Variants in LIPE observed in about 807,000 individuals in gnomAD.
LIPE encodes the protein lipase E, hormone sensitive type.
Under a neutral mutation model 88.5 loss-of-function variants are expected in LIPE, and 66 were observed. The ratio of observed to expected loss-of-function variants is 0.75; its 90% CI spans 0.61 to 0.91. LIPE has a LOEUF of 0.91. Among genes scored for constraint, LIPE ranks in the 40% least tolerant of loss-of-function variants. The pLI is 0.00. For missense variants in LIPE, 1,346 were observed against 1,434.7 expected, an observed-to-expected ratio of 0.94 and a Z score of 1.00; for synonymous variants, 570 against 617.5, an observed-to-expected ratio of 0.92 and a Z score of 1.14.
intron 1 of LIPE, chr19:42,423,382 G>T: frequency 7.8e-7 from 1 of 1,281,288 alleles, no homozygotes; most frequent in Non-Finnish European, 1.0e-6. Context: ...GATGTACGAG[G>T]TTCCTTCCGG....
Position 42,406,515 on chromosome 19 carries a change from A to G in LIPE, c.2138-127T>C. The G allele has an allele frequency of 1.4e-6, 1 of 708,702 alleles. No homozygotes were observed. The highest frequency in any genetic ancestry group is 2.4e-6 in the Non-Finnish European group (1 of 411,796). 43.9% of individuals were successfully genotyped at this position (708,702 alleles called of 1,614,324 possible). A position where few individuals can be genotyped will look rare whatever the true frequency, so the allele number is the denominator to read the frequency against. ...TGGGGTGTGGGGCACTCCAAGGCCT[A>G]GCAGACTGCAGTTTTAGAGACTGGC... On this transcript the variant is annotated intron_variant, in intron 6 of 9. Coordinates refer to ENST00000244289, the MANE Select transcript of LIPE (RefSeq NM_005357.4). This position sits in a 1 kb window ranked among gnomAD's most constrained non-coding sequence, Gnocchi z 5.7.
intron 1 of LIPE, chr19:42,411,418 G>C (rs557532479): frequency 2.6e-6 from 2 of 757,894 alleles, no homozygotes; most frequent in Admixed American, 6.3e-5. Context: ...CCCATTCTCA[G>C]GACCCAGGAG....
At chr19:42,423,492 G>A in intron 1 of LIPE, 1 of 1,281,636 alleles carries the variant, frequency 7.8e-7, no homozygotes, top group Non-Finnish European at 1.0e-6. Flanking sequence ...TCGAGGCCGG[G>A]GCCATAGCGG....
At position 42,410,728 on chromosome 19, in the gene LIPE, C is replaced by G; in HGVS notation, c.998G>C (p.Arg333Pro). 6.2e-7 allele frequency: 1 copy of G among 1,613,916 alleles called. No homozygotes were observed. Among genetic ancestry groups the G allele is most frequent in the Non-Finnish European group, 8.5e-7 (1 of 1,179,852 alleles). Residue 333 changes from arginine (R) to proline (P), a missense_variant, in exon 2 of 10, where the codon CGG (arginine) becomes CCG (proline). Arg to Pro is a moderately radical substitution (Grantham distance 103). Coordinates refer to ENST00000244289, the MANE Select transcript of LIPE (RefSeq NM_005357.4). The surrounding 1 kb of genome is among the most constrained non-coding windows in gnomAD (Gnocchi z 6.1). ...SSQGPGETAQ[R>P]LSGVFAGVRE... is the part of the protein sequence containing the mutation. Reference sequence around the variant, plus strand: ...TACACCGGCAAAAACGCCTGACAGCCGCTGGGCCGTTTCCCCAGGACCCTG... The same window carrying G: ...TACACCGGCAAAAACGCCTGACAGCGGCTGGGCCGTTTCCCCAGGACCCTG...
At position 42,410,242 on chromosome 19, in the gene LIPE, G is replaced by T; in HGVS notation, c.1419+65C>A. 2.1e-6 allele frequency: 3 copies of T among 1,454,536 alleles called. No homozygotes were observed. The highest frequency in any genetic ancestry group is 2.2e-5 in the Admixed American group (1 of 45,138). 90.1% of individuals were successfully genotyped at this position (1,454,536 alleles called of 1,614,324 possible). A position where few individuals can be genotyped will look rare whatever the true frequency, so the allele number is the denominator to read the frequency against. ...CACTGGTTACTTTACCATACTATAG[G>T]CCAGGCCAGGGGCCACCAGGTGCCT... On this transcript the variant is annotated intron_variant, in intron 2 of 9. Transcript: ENST00000244289. This position sits in a 1 kb window ranked among gnomAD's most constrained non-coding sequence, Gnocchi z 6.1.
In LIPE at chr19:42,406,898, A is replaced by G. The variant is rs1392578174; in HGVS notation, c.2137+276T>C. ...CAGGAGGCTGGTAGGACAGGAGAGC[A>G]GGGCCTGGAGCTATCAGAGGGGGAC... is the stretch of plus-strand genomic sequence containing the variant. On this transcript the variant is annotated intron_variant, in intron 6 of 9. Transcript: ENST00000244289. This position sits in a 1 kb window ranked among gnomAD's most constrained non-coding sequence, Gnocchi z 5.7. Among the ~76,000 whole-genome samples the G allele has an allele frequency of 1.3e-5, 2 of 152,174 alleles. No homozygotes were observed. Among genetic ancestry groups the G allele is most frequent in the Non-Finnish European group, 2.9e-5 (2 of 68,024 alleles).
rs753366338 is a variant in LIPE, at chr19:42,408,201, A to G, written c.1510+31T>C. 1.2e-6 allele frequency: 2 copies of G among 1,613,738 alleles called. No homozygotes were observed. Among genetic ancestry groups the G allele is most frequent in the Non-Finnish European group, 1.7e-6 (2 of 1,179,704 alleles). On this transcript the variant is annotated intron_variant, in intron 3 of 9. Coordinates refer to ENST00000244289, the MANE Select transcript of LIPE (RefSeq NM_005357.4). The surrounding 1 kb of genome is among the most constrained non-coding windows in gnomAD (Gnocchi z 4.3). ...GAGTGGGGAGGAGGGCCAAGAGAGTAGGCTGCGAGTAGAACCTGGCTGGGA... is the reference window on the plus strand; with the variant it reads ...GAGTGGGGAGGAGGGCCAAGAGAGTGGGCTGCGAGTAGAACCTGGCTGGGA...
At chr19:42,409,909 G>A (rs1043154930) in intron 2 of LIPE, among the ~76,000 whole-genome samples, 2 of 152,122 alleles carry the variant, frequency 1.3e-5, no homozygotes, top group Admixed American at 1.3e-4. Context: ...AGGCTGAGGT[G>A]CGGGGAGGCC....
chr19:42,424,537 C>T (rs1314013250), intron 1 of LIPE: 1 of 456,350 alleles, frequency 2.2e-6, no homozygotes, highest in East Asian at 6.9e-5. Flanking sequence ...CTGCCTTTGC[C>T]TGCCGCCCCT....
At chr19:42,418,417 C>T (rs2040532312) in intron 1 of LIPE, among the ~76,000 whole-genome samples, 1 of 152,254 alleles carries the variant, frequency 6.6e-6, no homozygotes, top group African/African-American at 2.4e-5. Context: ...GCCACAGCCA[C>T]TTTCTACAAC....
chr19:42,408,012 T>C lies in LIPE; in HGVS notation c.1620A>G (p.Lys540=), dbSNP rs1317693041. Residue 540 remains lysine, a synonymous_variant, in exon 4 of 10, where the codon AAA becomes AAG. Transcript: ENST00000244289. This position sits in a 1 kb window ranked among gnomAD's most constrained non-coding sequence, Gnocchi z 4.3. The part of the protein sequence containing the change: ...ITQNLDVHFW[K]AFWNITEMEV... ...CCATCTCGGTGATGTTCCAGAAGGC[T>C]TTCCAGAAGTGCACGTCCAGGTTCT... 1.2e-6 allele frequency: 2 copies of C among 1,613,582 alleles called. No homozygotes were observed. The highest frequency in any genetic ancestry group is 3.3e-4 in the Middle Eastern group (2 of 6,062).
Position 42,407,857 on chromosome 19 carries a change from C to T in LIPE, c.1657-66G>A, listed in dbSNP as rs1256160861. On this transcript the variant is annotated intron_variant, in intron 4 of 9. Coordinates refer to ENST00000244289, the MANE Select transcript of LIPE (RefSeq NM_005357.4). The surrounding 1 kb of genome is among the most constrained non-coding windows in gnomAD (Gnocchi z 5.8). ...CTGCAGGGGTGCCCTTCACCTCTCC[C>T]TCTGATCCCCAGTCTTTCCCCTTGT... 6.4e-7 allele frequency: 1 copy of T among 1,551,576 alleles called. No homozygotes were observed. The highest frequency in any genetic ancestry group is 1.2e-5 in the South Asian group (1 of 82,062).
Position 42,401,555 on chromosome 19 carries a change from A to T in LIPE, c.*257T>A. On this transcript the variant is annotated 3_prime_UTR_variant, in exon 10 of 10. Transcript: ENST00000244289. ...TTTACAACAAACCAAACCGACCTGC[A>T]AGGGAGGGCCAGTCCCCGTCCCTGC... The T allele has an allele frequency of 2.1e-6, 1 of 478,366 alleles. No homozygotes were observed. Among genetic ancestry groups the T allele is most frequent in the Non-Finnish European group, 3.7e-6 (1 of 272,362 alleles). 29.6% of individuals were successfully genotyped at this position (478,366 alleles called of 1,614,324 possible). A position where few individuals can be genotyped will look rare whatever the true frequency, so the allele number is the denominator to read the frequency against.
chr19:42,410,496 G>A lies in LIPE; in HGVS notation c.1230C>T (p.Ala410=), dbSNP rs949783365. The A allele has an allele frequency of 1.2e-5, 20 of 1,613,820 alleles. No individual in the cohort carries two copies. Among genetic ancestry groups the A allele is most frequent in the Non-Finnish European group, 1.7e-5 (20 of 1,180,016 alleles). Reference sequence around the variant, plus strand: ...GGGCAGCCAGGTAGGCCTCCAGCTCGGCCAGGTTGTGGCTGGTGCGGAAGA... The same window carrying A: ...GGGCAGCCAGGTAGGCCTCCAGCTCAGCCAGGTTGTGGCTGGTGCGGAAGA... ...SIFFRTSHNL[A]ELEAYLAALT... Residue 410 remains alanine (A), a synonymous_variant, in exon 2 of 10, where the codon GCC becomes GCT. Transcript: ENST00000244289. The surrounding 1 kb of genome is among the most constrained non-coding windows in gnomAD (Gnocchi z 6.1).
At chr19:42,423,236 C>T (rs2040635443) in intron 1 of LIPE, 3 of 351,272 alleles carry the variant, frequency 8.5e-6, no homozygotes, top group Non-Finnish European at 1.6e-5. Context: ...CCAGGGTGGG[C>T]CTCTCGGCTG....
intron 9 of LIPE, 42 bp from the exon 10 acceptor site, chr19:42,402,117 C>A: frequency 7.0e-7 from 1 of 1,426,964 alleles, no homozygotes; most frequent in Non-Finnish European, 9.2e-7. Context: ...GGGTGGGGGA[C>A]AGACAGACCG....
Position 42,402,937 on chromosome 19 carries a change from C to G in LIPE, c.2637G>C (p.Leu879Phe), listed in dbSNP as rs770248142. 2 of 1,610,630 alleles carry G rather than the reference C, an allele frequency of 1.2e-6. No individual in the cohort carries two copies. Among genetic ancestry groups the G allele is most frequent in the Non-Finnish European group, 1.7e-6 (2 of 1,179,954 alleles). The change falls in exon 9 of 10, where the codon TTG becomes TTC. Residue 879 changes from leucine to phenylalanine, a missense_variant. Coordinates refer to ENST00000244289, the MANE Select transcript of LIPE (RefSeq NM_005357.4). ...ACGTCTCGGAGTTTCCCCTCAGGCT[C>G]AAGTCCCTCAGGGTCAGGTTCTTGA... ...DSLKNLTLRDLSLRGNSETSS... is the reference protein window; with the variant it reads ...DSLKNLTLRDFSLRGNSETSS...
chr19:42,402,873 G>C lies in LIPE; in HGVS notation c.2701C>G (p.Leu901Val), dbSNP rs1270235925. ...ACATCGGAGGGTGTGGAGGGGCTAA[G>C]TGTCTCAGCTGACAGCGACATCTCG... Reference protein sequence around the residue: ...TPEMSLSAETLSPSTPSDVNF... With the variant: ...TPEMSLSAETVSPSTPSDVNF... The change falls in exon 9 of 10, where the codon CTT (leucine) becomes GTT (valine). Residue 901 changes from leucine (L) to valine (V), a missense_variant. Transcript: ENST00000244289. 3 of 1,613,876 alleles carry C rather than the reference G, an allele frequency of 1.9e-6. No individual in the cohort carries two copies. Among genetic ancestry groups the C allele is most frequent in the Non-Finnish European group, 2.5e-6 (3 of 1,179,984 alleles).
rs888594226 is a variant in LIPE, at chr19:42,408,370, G to T, written c.1420-48C>A. The T allele has an allele frequency of 5.4e-6, 8 of 1,477,918 alleles. No homozygotes were observed. Among genetic ancestry groups the T allele is most frequent in the Non-Finnish European group, 5.7e-6 (6 of 1,057,090 alleles). 91.6% of individuals were successfully genotyped at this position (1,477,918 alleles called of 1,614,324 possible). A position where few individuals can be genotyped will look rare whatever the true frequency, so the allele number is the denominator to read the frequency against. Reference sequence around the variant, plus strand: ...CACCCACCGCTCAAGAGAGGGATGGGGACAGGGCAGGAGCGAGGCACAGGG... The same window carrying T: ...CACCCACCGCTCAAGAGAGGGATGGTGACAGGGCAGGAGCGAGGCACAGGG... On this transcript the variant is annotated intron_variant, in intron 2 of 9. Coordinates refer to ENST00000244289, the MANE Select transcript of LIPE (RefSeq NM_005357.4). The surrounding 1 kb of genome is among the most constrained non-coding windows in gnomAD (Gnocchi z 4.3).
Sources: gnomAD v4.1 joint callset for allele counts (sites outside exome capture counted in the v4.1 genomes callset) on GRCh38, gnomAD v4.1.1 for gene constraint, Gnocchi (gnomAD v3.1) non-coding constraint, MANE v1.5 for transcripts, NCBI Gene and HGNC (gene_info 2026-07-23, HGNC 2026-07-21) for gene names.